Variants in NEBL observed in about 807,000 individuals in gnomAD.
NEBL encodes LIM and SH3 protein 2.
A neutral mutation model predicts 140.2 loss-of-function variants in NEBL; 122 were observed. That is an observed-to-expected ratio of 0.87 (90% confidence interval 0.75 to 1.01). The LOEUF (loss-of-function observed/expected upper bound fraction) is 1.01. Among genes scored for constraint, NEBL ranks in the 50% least tolerant of loss-of-function variants. The pLI is 0.00. For synonymous variants in NEBL, 436 were observed against 398.9 expected (o/e 1.09, Z -1.11); for missense variants, 1,365 against 1,231.3 (o/e 1.11, Z -1.62).
rs11995 is a variant in NEBL at position 20,781,764 on chromosome 10, C to T, written c.*3983G>A. 0.094 allele frequency: 14,407 copies of T among 152,488 alleles called. 1,380 individuals carry two copies. Among genetic ancestry groups the T allele is most frequent in the African/African-American group, 0.23 (9,581 of 41,452 alleles). 9.4% of individuals were successfully genotyped at this position (152,488 alleles called of 1,614,324 possible). ...TTGATCAACAGTTGACAGTTAGTTGCGAGGAAAGGGTCCAAAAGGCATGGA... is the reference window on the plus strand; with the variant it reads ...TTGATCAACAGTTGACAGTTAGTTGTGAGGAAAGGGTCCAAAAGGCATGGA... On this transcript the variant is annotated 3_prime_UTR_variant, in exon 28 of 28. Transcript: ENST00000377122.
chr10:20,821,039 C>T (rs924462214), intron 19 of NEBL, among the ~76,000 whole-genome samples: 19 of 151,980 alleles, frequency 1.3e-4, no homozygotes, highest in Non-Finnish European at 2.9e-5. Context: ...TTCTTGTGAC[C>T]GGGTGATTGA....
chr10:21,188,503 A>G (rs576754212), intron 3 of NEBL, among the ~76,000 whole-genome samples: 1 of 152,102 alleles, frequency 6.6e-6, no homozygotes, highest in East Asian at 1.9e-4. Flanking sequence ...AAAGTTTAAC[A>G]TGTGTTATAA....
chr10:21,171,354 AAAAAAAAAGAAAG>A (rs1218362016), intron 2 of NEBL, among the ~76,000 whole-genome samples: 2 of 124,096 alleles, frequency 1.6e-5, no homozygotes, highest in African/African-American at 6.4e-5. Context: ...AAAAAAGAAA[AAAAAAAAAGAAAG>A]AAAGGAAAAG....
intron 2 of NEBL, among the ~76,000 whole-genome samples, chr10:21,041,246 C>G (rs955613616): frequency 6.6e-6 from 1 of 152,194 alleles, no homozygotes; most frequent in African/African-American, 2.4e-5. Context: ...CTATTGTTCC[C>G]TTCCTTGTGT....
At chr10:21,239,328 A>T (rs12244302) in intron 3 of NEBL, among the ~76,000 whole-genome samples, 1,757 of 152,258 alleles carry the variant, frequency 0.012, 31 homozygotes, top group African/African-American at 0.039. Flanking sequence ...CATTAAACAT[A>T]AAAATGCCAA....
At chr10:20,953,376 T>C (rs761878032) in intron 4 of NEBL, among the ~76,000 whole-genome samples, 4 of 152,152 alleles carry the variant, frequency 2.6e-5, no homozygotes, top group African/African-American at 4.8e-5. Context: ...AAGAGAGCCC[T>C]CACCAGCCCT....
chr10:21,189,694 C>G (rs1297736736), intron 3 of NEBL, among the ~76,000 whole-genome samples: 1 of 152,104 alleles, frequency 6.6e-6, no homozygotes, highest in Admixed American at 6.5e-5. Context: ...GTCTTGATCT[C>G]CTGACCTCGT....
intron 5 of NEBL, among the ~76,000 whole-genome samples, chr10:20,873,117 G>C (rs1443936095): frequency 6.6e-6 from 1 of 152,136 alleles, no homozygotes; most frequent in East Asian, 1.9e-4. Flanking sequence ...TTCTCAATAA[G>C]TATTTGCTCC....
Position 20,782,149 on chromosome 10 carries a change from C to T in NEBL, c.*3598G>A, listed in dbSNP as rs923505305. 1 of 152,518 alleles carries T rather than the reference C, an allele frequency of 6.6e-6. No individual in the cohort carries two copies. The highest frequency in any genetic ancestry group is 6.6e-5 in the Admixed American group (1 of 15,254). 9.4% of individuals were successfully genotyped at this position (152,518 alleles called of 1,614,324 possible). A position where few individuals can be genotyped will look rare whatever the true frequency, so the allele number is the denominator to read the frequency against. On this transcript the variant is annotated 3_prime_UTR_variant, in exon 28 of 28. Transcript: ENST00000377122. ...AGAGATAAAATACAATCAGCTAACA[C>T]CTTTAATATCTGAGGAGCATCCCAC...
At chr10:21,274,060 G>C (rs1186646594) in intron 1 of NEBL, among the ~76,000 whole-genome samples, 1 of 152,144 alleles carries the variant, frequency 6.6e-6, no homozygotes. Context: ...TTACTTCCAT[G>C]AGTAGGTTAT....
At chr10:21,088,994 T>C (rs1564507048) in intron 2 of NEBL, among the ~76,000 whole-genome samples, 1 of 151,790 alleles carries the variant, frequency 6.6e-6, no homozygotes, top group Non-Finnish European at 1.5e-5. Context: ...AGAGGGGAGA[T>C]GGGTGAAATG....
intron 3 of NEBL, among the ~76,000 whole-genome samples, chr10:21,242,415 G>T (rs544571568): frequency 6.6e-6 from 1 of 152,080 alleles, no homozygotes; most frequent in Non-Finnish European, 1.5e-5. Context: ...GGAGCTAAAC[G>T]TTGAAAATAC....
rs537852673 is a variant in NEBL, at chr10:21,122,674, G to A, written c.164+49709C>T. 3.3e-5 allele frequency among the ~76,000 whole-genome samples: 5 copies of A among 152,298 alleles called. No individual in the cohort carries two copies. In the South Asian group the frequency reaches 1.0e-3, roughly 32 times the overall value. On this transcript the variant is annotated intron_variant, in intron 2 of 6. Transcript: ENST00000417816. ...TTGGGAGAGACAGAGTTTGGGTTTGGAGATCTGAAGTTTAGGATGGTGCAA... is the reference window on the plus strand; with the variant it reads ...TTGGGAGAGACAGAGTTTGGGTTTGAAGATCTGAAGTTTAGGATGGTGCAA...
chr10:21,174,113 G>A (rs1472114538), exon 1 of NEBL: 3 of 827,792 alleles, frequency 3.6e-6, no homozygotes, highest in Non-Finnish European at 4.5e-6. Context: ...TCCAGGTACG[G>A]GTGACTCACA....
At chr10:21,143,723 C>T (rs965508646) in intron 2 of NEBL, among the ~76,000 whole-genome samples, 76 of 152,114 alleles carry the variant, frequency 5.0e-4, no homozygotes, top group African/African-American at 1.7e-3. Context: ...AGATTCCCTA[C>T]GTGTTCAATA....
intron 2 of NEBL, among the ~76,000 whole-genome samples, chr10:21,144,559 G>A (rs1839801188): frequency 1.3e-5 from 2 of 152,000 alleles, no homozygotes; most frequent in African/African-American, 4.8e-5. Flanking sequence ...AACCTTGTCT[G>A]GACTAAAAAT....
intron 1 of NEBL, among the ~76,000 whole-genome samples, chr10:21,252,066 A>C (rs1016779577): frequency 2.0e-5 from 3 of 152,172 alleles, no homozygotes; most frequent in Non-Finnish European, 4.4e-5. Flanking sequence ...TGTCCTCAGG[A>C]CTAAAGGGCA....
At chr10:21,142,291 T>C (rs1839666847) in intron 2 of NEBL, among the ~76,000 whole-genome samples, 1 of 152,138 alleles carries the variant, frequency 6.6e-6, no homozygotes, top group South Asian at 2.1e-4. Context: ...GCACCAGCCC[T>C]GTCTACTAGC....
intron 10 of NEBL, 45 bp downstream of exon 10, chr10:20,852,499 CG>C (rs1460295738): frequency 7.4e-7 from 1 of 1,348,862 alleles, no homozygotes; most frequent in African/African-American, 1.4e-5. Flanking sequence ...AGGATGGTTA[CG>C]GGTTGCTGGC....
Sources: allele counts gnomAD v4.1 joint callset (sites outside exome capture counted in the v4.1 genomes callset), GRCh38; gene constraint gnomAD v4.1.1; transcripts MANE v1.5; gene names NCBI Gene and HGNC (gene_info 2026-07-23, HGNC 2026-07-21).